The following KBTBD8 variants were observed in gnomAD, a reference collection of about 807,000 sequenced individuals.
KBTBD8 encodes the protein kelch repeat and BTB domain-containing protein 8.
In KBTBD8, 31 loss-of-function variants were observed where a neutral mutation model predicts 53.5. That is an observed-to-expected ratio of 0.58 (90% CI 0.44 to 0.78). The LOEUF is 0.78. KBTBD8 is among the 30% of genes least tolerant of loss of function. KBTBD8 has a pLI of 0.00. For missense variants in KBTBD8, 642 were observed against 735.8 expected (o/e 0.87, Z 1.48); for synonymous variants, 250 against 247.3 (o/e 1.01, Z -0.10).
chr3:67,004,402 T>C, intron 3 of KBTBD8, 93 bp downstream of exon 3: 2 of 1,171,976 alleles, frequency 1.7e-6, no homozygotes, highest in South Asian at 1.4e-5. Context: ...TTCCCGTTAA[T>C]TGAGGAATAC....
intron 3 of KBTBD8, among the ~76,000 whole-genome samples, chr3:67,006,626 AAGTT>A (rs1407339664): frequency 6.6e-6 from 1 of 152,188 alleles, no homozygotes; most frequent in African/African-American, 2.4e-5. Context: ...AAGCTATTTT[AAGTT>A]AGTTGAAGGC....
At chr3:67,002,413 G>A (rs1702024974) in intron 2 of KBTBD8, among the ~76,000 whole-genome samples, 1 of 151,736 alleles carries the variant, frequency 6.6e-6, no homozygotes, top group South Asian at 2.1e-4. Flanking sequence ...ATATATTTTG[G>A]ATACAAGTTG....
Position 67,007,996 on chromosome 3 carries a change from C to T in KBTBD8, c.1417C>T (p.Gln473Ter). 6.2e-7 allele frequency: 1 copy of T among 1,613,106 alleles called. No individual in the cohort carries two copies. The highest frequency in any genetic ancestry group is 8.5e-7 in the Non-Finnish European group (1 of 1,179,736). Reference sequence around the variant, plus strand: ...AACCCCCATGACTGTGCCTAGAATCCAGGGCTTAGCAGCTGTATACAAGGA... The same window carrying T: ...AACCCCCATGACTGTGCCTAGAATCTAGGGCTTAGCAGCTGTATACAAGGA... Reference protein sequence around the residue: ...FLTPMTVPRIQGLAAVYKDSI... With the variant: ...FLTPMTVPRI Residue 473 changes from glutamine to a stop codon, truncating the protein, a stop_gained, in exon 4 of 4, where the codon CAG (glutamine) becomes TAG (stop). Transcript: ENST00000417314. LOFTEE classifies it high-confidence loss of function.
chr3:67,002,512 C>CTG (rs1702026333), intron 2 of KBTBD8, among the ~76,000 whole-genome samples: 1 of 90,368 alleles, frequency 1.1e-5, no homozygotes, highest in African/African-American at 4.5e-5. Context: ...TATAGGTATT[C>CTG]TTTTTTTTTT....
chr3:67,003,106 C>G (rs1463306791), intron 2 of KBTBD8, 89 bp from the exon 3 acceptor site: 3 of 1,300,602 alleles, frequency 2.3e-6, no homozygotes, highest in Non-Finnish European at 2.2e-6. Flanking sequence ...AAAAGGTTAT[C>G]TTTGTGGTAA....
chr3:67,002,759 C>CTAA (rs1350740459), intron 2 of KBTBD8, among the ~76,000 whole-genome samples: 1 of 151,980 alleles, frequency 6.6e-6, no homozygotes, highest in Non-Finnish European at 1.5e-5. Context: ...CTTTGGCCTC[C>CTAA]TAAAGTGCTG....
rs900967827 is a variant in KBTBD8, at chr3:67,010,597, G to A, written c.*2212G>A. ...GGGAGTAGAATATATATTGAATTTT[G>A]TATGAAGAACTATTTGTTTAAATTA... On this transcript the variant is annotated 3_prime_UTR_variant, in exon 4 of 4. Coordinates refer to ENST00000417314, the MANE Select transcript of KBTBD8 (RefSeq NM_032505.3). The A allele has an allele frequency of 1.3e-5, 2 of 152,524 alleles. No homozygotes were observed. Among genetic ancestry groups the A allele is most frequent in the African/African-American group, 2.4e-5 (1 of 41,434 alleles). The allele number at this position is 152,524 out of a possible 1,614,324, so 9.4% of individuals were successfully genotyped here.
rs781343726 is a variant in KBTBD8, at chr3:67,003,814, A to G, written c.847A>G (p.Thr283Ala). The change falls in exon 3 of 4, where the codon ACT becomes GCT. Residue 283 changes from threonine to alanine, a missense_variant. Coordinates refer to ENST00000417314, the MANE Select transcript of KBTBD8 (RefSeq NM_032505.3). ...TGGCTGTACACAGAGGCTTGGAATG[A>G]CTGCTTCTGAAATGATCATATGTTT... Reference protein sequence around the residue: ...TNGCTQRLGMTASEMIICFDA... With the variant: ...TNGCTQRLGMAASEMIICFDA... The G allele has an allele frequency of 1.2e-6, 2 of 1,614,080 alleles. No individual in the cohort carries two copies. The highest frequency in any genetic ancestry group is 1.7e-5 in the Admixed American group (1 of 60,008).
In KBTBD8 at chr3:67,008,160, G is replaced by C. The variant is rs749989300; in HGVS notation, c.1581G>C (p.Leu527=). Residue 527 remains leucine, a synonymous_variant, in exon 4 of 4, where the codon CTG becomes CTC. Coordinates refer to ENST00000417314, the MANE Select transcript of KBTBD8 (RefSeq NM_032505.3). ...AGTCCATAAATCCATACCTTAAACT[G>C]GTACTTTTCCAGAACAAACTCCATT... is the stretch of plus-strand genomic sequence containing the variant. ...CDQSINPYLK[L]VLFQNKLHLF... 4 of 1,613,862 alleles carry C rather than the reference G, an allele frequency of 2.5e-6. No homozygotes were observed. Among genetic ancestry groups the C allele is most frequent in the Non-Finnish European group, 3.4e-6 (4 of 1,179,988 alleles).
At chr3:67,006,140 C>T (rs1003777610) in intron 3 of KBTBD8, among the ~76,000 whole-genome samples, 12 of 152,022 alleles carry the variant, frequency 7.9e-5, no homozygotes, top group South Asian at 2.1e-4. Context: ...ATGTATGATC[C>T]GTCCAGTATA....
rs1188587014 is a variant in KBTBD8 at position 67,010,844 on chromosome 3, G to A, written c.*2459G>A. On this transcript the variant is annotated 3_prime_UTR_variant, in exon 4 of 4. Transcript: ENST00000417314. Reference sequence around the variant, plus strand: ...TTGTTTTTGCATTTGAAGAATGTATGTAGCACTTTCCTATATATTTGTCAC... The same window carrying A: ...TTGTTTTTGCATTTGAAGAATGTATATAGCACTTTCCTATATATTTGTCAC... The A allele has an allele frequency of 6.6e-6, 1 of 152,616 alleles. No homozygotes were observed. The highest frequency in any genetic ancestry group is 6.5e-5 in the Admixed American group (1 of 15,272). 9.5% of individuals were successfully genotyped at this position (152,616 alleles called of 1,614,324 possible). A position where few individuals can be genotyped will look rare whatever the true frequency, so the allele number is the denominator to read the frequency against.
intron 2 of KBTBD8, among the ~76,000 whole-genome samples, chr3:67,002,796 G>A (rs558929592): frequency 3.9e-5 from 6 of 152,014 alleles, no homozygotes; most frequent in Admixed American, 1.3e-4. Context: ...CCACCACACC[G>A]GGCCAGTATT....
At chr3:66,999,957 C>T (rs1702002369) in intron 2 of KBTBD8, among the ~76,000 whole-genome samples, 1 of 152,124 alleles carries the variant, frequency 6.6e-6, no homozygotes, top group African/African-American at 2.4e-5. Flanking sequence ...AAATAACTTC[C>T]TACTTTAAGA....
Position 67,010,609 on chromosome 3 carries a change from A to G in KBTBD8, c.*2224A>G, listed in dbSNP as rs1004215945. ...TATATTGAATTTTGTATGAAGAACTATTTGTTTAAATTATATAGCTGGGAT... is the reference window on the plus strand; with the variant it reads ...TATATTGAATTTTGTATGAAGAACTGTTTGTTTAAATTATATAGCTGGGAT... On this transcript the variant is annotated 3_prime_UTR_variant, in exon 4 of 4. Transcript: ENST00000417314. 2.0e-5 allele frequency: 3 copies of G among 152,606 alleles called. No individual in the cohort carries two copies. The highest frequency in any genetic ancestry group is 2.9e-5 in the Non-Finnish European group (2 of 68,020). 9.5% of individuals were successfully genotyped at this position (152,606 alleles called of 1,614,324 possible).
At position 67,003,712 on chromosome 3, in the gene KBTBD8, T is replaced by G; in HGVS notation, c.745T>G (p.Phe249Val). The part of the protein sequence containing the change: ...CIRFPLMEDT[F>V]IEKIPPQFAQ... ...ACGTTTTCCTCTGATGGAAGATACC[T>G]TTATAGAGAAAATTCCACCTCAGTT... The change falls in exon 3 of 4, where the codon TTT becomes GTT. Residue 249 changes from phenylalanine to valine, a missense_variant. Physicochemically the swap from Phe to Val is conservative, Grantham distance 50. Transcript: ENST00000417314. The G allele has an allele frequency of 6.2e-7, 1 of 1,614,158 alleles. No homozygotes were observed. The highest frequency in any genetic ancestry group is 8.5e-7 in the Non-Finnish European group (1 of 1,180,022).
At position 67,003,516 on chromosome 3, in the gene KBTBD8, C is replaced by T; in HGVS notation, c.549C>T (p.Thr183=). 6.2e-7 allele frequency: 1 copy of T among 1,613,936 alleles called. No homozygotes were observed. The highest frequency in any genetic ancestry group is 8.5e-7 in the Non-Finnish European group (1 of 1,179,922). ...EYIRKKFLCV[T]KEQEFLQLTK... The stretch of plus-strand genomic sequence containing the variant: ...TTCGTAAAAAGTTTCTGTGTGTCAC[C>T]AAAGAACAAGAGTTTCTCCAGTTGA... The change falls in exon 3 of 4, where the codon ACC becomes ACT. Residue 183 remains threonine, a synonymous_variant. Transcript: ENST00000417314.
chr3:66,999,156 T>C lies in KBTBD8; in HGVS notation c.192T>C (p.His64=), dbSNP rs1434282761. 7.4e-6 allele frequency: 12 copies of C among 1,614,226 alleles called. No homozygotes were observed. The highest frequency in any genetic ancestry group is 1.0e-5 in the Non-Finnish European group (12 of 1,180,026). Residue 64 remains histidine, a synonymous_variant, in exon 2 of 4, where the codon CAT becomes CAC. Coordinates refer to ENST00000417314, the MANE Select transcript of KBTBD8 (RefSeq NM_032505.3). The part of the protein sequence containing the change: ...EVDHGKTFSC[H]RNVLAAISPY... ...ATCACGGGAAAACATTTTCCTGTCA[T>C]AGAAACGTTCTTGCTGCAATCAGCC...
Position 67,010,778 on chromosome 3 carries a change from T to G in KBTBD8, c.*2393T>G, listed in dbSNP as rs1702110388. ...AAAAGGCACAATGGGTACTACAGAA[T>G]TAAAATGTAGGTCTAACATAATGCC... is the stretch of plus-strand genomic sequence containing the variant. On this transcript the variant is annotated 3_prime_UTR_variant, in exon 4 of 4. Coordinates refer to ENST00000417314, the MANE Select transcript of KBTBD8 (RefSeq NM_032505.3). 1 of 152,610 alleles carries G rather than the reference T, an allele frequency of 6.6e-6. No individual in the cohort carries two copies. Among genetic ancestry groups the G allele is most frequent in the Non-Finnish European group, 1.5e-5 (1 of 68,004 alleles). 9.5% of individuals were successfully genotyped at this position (152,610 alleles called of 1,614,324 possible). A position where few individuals can be genotyped will look rare whatever the true frequency, so the allele number is the denominator to read the frequency against.
intron 3 of KBTBD8, 110 bp from the exon 4 acceptor site, chr3:67,007,804 GAAAGTGAA>G (rs1273389992): frequency 6.8e-6 from 4 of 586,964 alleles, no homozygotes; most frequent in Non-Finnish European, 1.2e-5. Context: ...AAATGTTTTA[GAAAGTGAA>G]ATATATAGCA....
Sources: allele counts gnomAD v4.1 joint callset (sites outside exome capture counted in the v4.1 genomes callset), GRCh38; gene constraint gnomAD v4.1.1; transcripts MANE v1.5; gene names NCBI Gene and HGNC (gene_info 2026-07-23, HGNC 2026-07-21).